GLCE: variants seen among roughly 807,000 people sequenced by gnomAD.
GLCE encodes glucuronic acid epimerase, also known as D-glucuronyl C5-epimerase.
GLCE carries 19 observed loss-of-function variants against 47.9 expected under a neutral mutation model. That is an observed-to-expected ratio of 0.40 (90% confidence interval 0.28 to 0.58). GLCE has a LOEUF of 0.58. GLCE is among the 20% of genes least tolerant of loss of function. The pLI is 0.48. For synonymous variants in GLCE, 245 were observed against 263.4 expected, an observed-to-expected ratio of 0.93 and a Z score of 0.68; for missense variants, 556 against 743.3, an observed-to-expected ratio of 0.75 and a Z score of 2.93.
intron 2 of GLCE, among the ~76,000 whole-genome samples, chr15:69,217,223 T>A (rs2052319781): frequency 6.6e-6 from 1 of 151,868 alleles, no homozygotes; most frequent in African/African-American, 2.4e-5. Context: ...CTTACATTAA[T>A]GACTGCTGTA....
chr15:69,243,136 T>A (rs1016374951), intron 2 of GLCE, among the ~76,000 whole-genome samples: 2 of 151,568 alleles, frequency 1.3e-5, no homozygotes, highest in African/African-American at 4.8e-5. Context: ...GGAATTGCTT[T>A]GGTGTCCTGT....
In GLCE at chr15:69,181,718, A is replaced by G. The variant is rs185537505; in HGVS notation, c.-105+20961A>G. Among the ~76,000 whole-genome samples, 27 of 152,316 alleles carry G rather than the reference A, an allele frequency of 1.8e-4. No individual in the cohort carries two copies. In the East Asian group the frequency reaches 4.6e-3, roughly 26 times the overall value. On this transcript the variant is annotated intron_variant, in intron 1 of 4. Transcript: ENST00000261858. Reference sequence around the variant, plus strand: ...AGTGAGAAATTGGAGACATGCAGAAAGAATCATTTTTCTGAGGAATTTTGC... The same window carrying G: ...AGTGAGAAATTGGAGACATGCAGAAGGAATCATTTTTCTGAGGAATTTTGC...
intron 2 of GLCE, among the ~76,000 whole-genome samples, chr15:69,247,627 C>T (rs868211792): frequency 6.6e-6 from 1 of 152,230 alleles, no homozygotes; most frequent in Non-Finnish European, 1.5e-5. Flanking sequence ...ATGCCCTCCT[C>T]ACTGAGCTTA....
chr15:69,169,223 C>T (rs1202699770), intron 1 of GLCE, among the ~76,000 whole-genome samples: 4 of 152,114 alleles, frequency 2.6e-5, no homozygotes, highest in African/African-American at 7.2e-5. Flanking sequence ...TGTCTATTTG[C>T]GTCTTCTGTT....
Position 69,269,305 on chromosome 15 carries a change from C to A in GLCE, c.*61C>A. ...TACACAGAAACTACAGGCTCTGTCTCAGGAGAGCATAGGCACATTTTAAAA... is the reference window on the plus strand; with the variant it reads ...TACACAGAAACTACAGGCTCTGTCTAAGGAGAGCATAGGCACATTTTAAAA... On this transcript the variant is annotated 3_prime_UTR_variant, in exon 5 of 5. Transcript: ENST00000261858. 1 of 1,335,516 alleles carries A rather than the reference C, an allele frequency of 7.5e-7. No individual in the cohort carries two copies. The highest frequency in any genetic ancestry group is 1.1e-6 in the Non-Finnish European group (1 of 944,862). The allele number at this position is 1,335,516 out of a possible 1,614,324, so 82.7% of individuals were successfully genotyped here. A position where few individuals can be genotyped will look rare whatever the true frequency, so the allele number is the denominator to read the frequency against.
At chr15:69,226,526 G>A (rs1382506118) in intron 2 of GLCE, among the ~76,000 whole-genome samples, 3 of 152,088 alleles carry the variant, frequency 2.0e-5, no homozygotes, top group Admixed American at 6.5e-5. Flanking sequence ...TTGCAAAACA[G>A]CATAGGAATA....
chr15:69,165,443 C>T (rs2051487405), intron 1 of GLCE, among the ~76,000 whole-genome samples: 1 of 151,212 alleles, frequency 6.6e-6, no homozygotes, highest in African/African-American at 2.4e-5. Context: ...GGATGTCTTT[C>T]CTTCTCTTGT....
At chr15:69,232,908 A>C (rs2052544747) in intron 2 of GLCE, among the ~76,000 whole-genome samples, 1 of 152,202 alleles carries the variant, frequency 6.6e-6, no homozygotes, top group Non-Finnish European at 1.5e-5. Flanking sequence ...AATGTCATAG[A>C]CTAAATGAGA....
intron 1 of GLCE, among the ~76,000 whole-genome samples, chr15:69,171,029 C>A (rs1225528055): frequency 6.6e-6 from 1 of 152,138 alleles, no homozygotes; most frequent in Non-Finnish European, 1.5e-5. Flanking sequence ...ACAGTTTTTG[C>A]AGAATTCCTC....
At chr15:69,233,475 T>C (rs925497379) in intron 2 of GLCE, among the ~76,000 whole-genome samples, 1 of 152,192 alleles carries the variant, frequency 6.6e-6, no homozygotes, top group African/African-American at 2.4e-5. Context: ...AATAACATAC[T>C]TGAATGCTTT....
At chr15:69,194,202 T>G (rs1027054772) in intron 1 of GLCE, among the ~76,000 whole-genome samples, 3 of 152,174 alleles carry the variant, frequency 2.0e-5, no homozygotes, top group African/African-American at 7.2e-5. Context: ...ATTTGCAGTT[T>G]GAGAGTCCCA....
chr15:69,252,798 A>C (rs973095125), intron 2 of GLCE, among the ~76,000 whole-genome samples: 1 of 152,190 alleles, frequency 6.6e-6, no homozygotes, highest in East Asian at 1.9e-4. Context: ...AACACCATTT[A>C]GTGTTATCAG....
intron 2 of GLCE, among the ~76,000 whole-genome samples, chr15:69,237,884 T>C (rs2052614311): frequency 6.6e-6 from 1 of 152,164 alleles, no homozygotes; most frequent in Admixed American, 6.5e-5. Flanking sequence ...AGTGGAGAAA[T>C]CTTAACACAG....
At chr15:69,208,210 T>C (rs938782357) in intron 1 of GLCE, among the ~76,000 whole-genome samples, 1 of 152,066 alleles carries the variant, frequency 6.6e-6, no homozygotes, top group Non-Finnish European at 1.5e-5. Context: ...CTCAGAACTC[T>C]GCTTAACTTC....
intron 1 of GLCE, among the ~76,000 whole-genome samples, chr15:69,179,611 G>A (rs996928007): frequency 3.9e-5 from 6 of 152,142 alleles, no homozygotes; most frequent in African/African-American, 1.4e-4. Flanking sequence ...CCTAACCACT[G>A]ACAACGTAAC....
chr15:69,221,249 T>G (rs2052373323), intron 2 of GLCE, among the ~76,000 whole-genome samples: 1 of 152,198 alleles, frequency 6.6e-6, no homozygotes, highest in African/African-American at 2.4e-5. Context: ...TCCATGTGGA[T>G]TTTTGGTTAG....
chr15:69,168,099 A>G (rs1005408275), intron 1 of GLCE, among the ~76,000 whole-genome samples: 1 of 151,978 alleles, frequency 6.6e-6, no homozygotes, highest in Non-Finnish European at 1.5e-5. Flanking sequence ...TCACTATCCA[A>G]CATACTCTAG....
intron 1 of GLCE, among the ~76,000 whole-genome samples, chr15:69,194,926 G>A (rs914002534): frequency 6.6e-6 from 1 of 152,076 alleles, no homozygotes; most frequent in African/African-American, 2.4e-5. Flanking sequence ...TAAATGCAAT[G>A]TACCTTTCTT....
intron 2 of GLCE, among the ~76,000 whole-genome samples, chr15:69,224,115 T>C (rs1468047565): frequency 2.0e-5 from 3 of 152,226 alleles, no homozygotes; most frequent in African/African-American, 7.2e-5. Context: ...TCCTGTTTCT[T>C]TGTATGCCTT....
Sources: gnomAD v4.1 joint callset for allele counts (sites outside exome capture counted in the v4.1 genomes callset) on GRCh38, gnomAD v4.1.1 for gene constraint, MANE v1.5 for transcripts, NCBI Gene and HGNC (gene_info 2026-07-23, HGNC 2026-07-21) for gene names.